Variants in GRIP1 observed in about 807,000 individuals in gnomAD.
GRIP1 encodes the protein glutamate receptor-interacting protein 1.
Under a neutral mutation model 129.9 loss-of-function variants are expected in GRIP1, and 45 were observed. The ratio of observed to expected loss-of-function variants is 0.35; its 90% CI spans 0.27 to 0.44. GRIP1 has a LOEUF of 0.44. GRIP1 is among the 20% of genes least tolerant of loss of function. The probability of loss-of-function intolerance (pLI) is 1.00; values close to 1 mark genes in which losing one functional copy is unlikely to be tolerated. For synonymous variants in GRIP1, 530 were observed against 520.8 expected (o/e 1.02, Z -0.24); for missense variants, 1,196 against 1,396.8 (o/e 0.86, Z 2.29).
intron 1 of GRIP1, among the ~76,000 whole-genome samples, chr12:67,016,748 T>G (rs1469316371): frequency 6.6e-6 from 1 of 152,246 alleles, no homozygotes; most frequent in East Asian, 1.9e-4. Flanking sequence ...TCATCTTGTA[T>G]CTGTAGAAGT....
At chr12:66,848,380 G>T (rs2137070849) in intron 1 of GRIP1, among the ~76,000 whole-genome samples, 2 of 152,076 alleles carry the variant, frequency 1.3e-5, no homozygotes, top group East Asian at 3.9e-4. Flanking sequence ...CACTATACAG[G>T]GCCCTAGGAA....
At chr12:66,472,641 G>T (rs1026530638) in intron 7 of GRIP1, among the ~76,000 whole-genome samples, 1 of 152,146 alleles carries the variant, frequency 6.6e-6, no homozygotes, top group Non-Finnish European at 1.5e-5. Flanking sequence ...ATCTCACTGG[G>T]ACTGGTTAGA....
intron 1 of GRIP1, among the ~76,000 whole-genome samples, chr12:66,998,002 A>G (rs1354411238): frequency 6.6e-6 from 1 of 152,222 alleles, no homozygotes; most frequent in Non-Finnish European, 1.5e-5. Context: ...AAAATTTCAA[A>G]TTTTTAAAAC....
chr12:66,859,895 T>C (rs969022735), intron 1 of GRIP1, among the ~76,000 whole-genome samples: 5 of 152,024 alleles, frequency 3.3e-5, no homozygotes, highest in Non-Finnish European at 2.9e-5. Context: ...GTCCTATTAC[T>C]AATTCTTCAT....
chr12:66,637,069 C>T (rs943954549), intron 1 of GRIP1, among the ~76,000 whole-genome samples: 10 of 151,994 alleles, frequency 6.6e-5, no homozygotes, highest in African/African-American at 2.4e-4. Context: ...CCAGCCAGGC[C>T]GCTTCATGGT....
chr12:66,557,701 T>C (rs2062382127), intron 2 of GRIP1, among the ~76,000 whole-genome samples: 1 of 152,112 alleles, frequency 6.6e-6, no homozygotes, highest in Non-Finnish European at 1.5e-5. Flanking sequence ...AATGAAACAG[T>C]ATGCTCCTGA....
intron 1 of GRIP1, among the ~76,000 whole-genome samples, chr12:66,849,030 T>C (rs2039866255): frequency 1.3e-5 from 2 of 152,200 alleles, no homozygotes. Context: ...CCATCCTGCA[T>C]ATTGCTGCCA....
chr12:66,860,048 T>A (rs1210345054), intron 1 of GRIP1, among the ~76,000 whole-genome samples: 1 of 152,110 alleles, frequency 6.6e-6, no homozygotes, highest in East Asian at 1.9e-4. Flanking sequence ...GGAAGTCACC[T>A]TAAGTGCTTA....
chr12:66,886,056 A>G (rs2137211655), intron 1 of GRIP1, among the ~76,000 whole-genome samples: 1 of 152,298 alleles, frequency 6.6e-6, no homozygotes, highest in East Asian at 1.9e-4. Flanking sequence ...TGAGGTCAGG[A>G]GCTCGAGACC....
intron 1 of GRIP1, among the ~76,000 whole-genome samples, chr12:66,629,495 C>G (rs1337212174): frequency 6.6e-6 from 1 of 152,214 alleles, no homozygotes; most frequent in Non-Finnish European, 1.5e-5. Flanking sequence ...ACTGGTAGTT[C>G]TAAAGCCTCT....
At chr12:66,435,702 T>C (rs1039363299) in intron 13 of GRIP1, among the ~76,000 whole-genome samples, 1 of 152,184 alleles carries the variant, frequency 6.6e-6, no homozygotes, top group African/African-American at 2.4e-5. Context: ...AGCAACATTT[T>C]GCTTTTATAA....
At chr12:67,014,534 AG>A (rs1284439792) in intron 1 of GRIP1, among the ~76,000 whole-genome samples, 1 of 152,196 alleles carries the variant, frequency 6.6e-6, no homozygotes, top group Non-Finnish European at 1.5e-5. Flanking sequence ...TGATAGCCTG[AG>A]AGGCTACCAC....
chr12:66,668,614 G>A (rs1218250644), intron 1 of GRIP1, among the ~76,000 whole-genome samples: 1 of 152,062 alleles, frequency 6.6e-6, no homozygotes, highest in African/African-American at 2.4e-5. Context: ...AGATGTTAGA[G>A]GATACTAAAG....
intron 1 of GRIP1, among the ~76,000 whole-genome samples, chr12:66,841,575 G>A (rs2039716931): frequency 6.6e-6 from 1 of 152,186 alleles, no homozygotes; most frequent in Admixed American, 6.5e-5. Flanking sequence ...TTTGAGGCAT[G>A]CTCTTCAATT....
chr12:66,914,743 C>T (rs1204633578), intron 1 of GRIP1, among the ~76,000 whole-genome samples: 1 of 152,080 alleles, frequency 6.6e-6, no homozygotes, highest in East Asian at 1.9e-4. Flanking sequence ...GAATCCGAAA[C>T]CTGAAAATCA....
intron 1 of GRIP1, among the ~76,000 whole-genome samples, chr12:66,947,990 C>T (rs1444190454): frequency 6.6e-6 from 1 of 152,116 alleles, no homozygotes; most frequent in East Asian, 1.9e-4. Context: ...GGATGCAGGA[C>T]CTCGCTGCTT....
intron 2 of GRIP1, among the ~76,000 whole-genome samples, chr12:66,546,943 T>C (rs969028855): frequency 4.6e-5 from 7 of 152,134 alleles, no homozygotes; most frequent in African/African-American, 1.7e-4. Context: ...GAATGCTCTC[T>C]GCAAGACCTG....
intron 1 of GRIP1, among the ~76,000 whole-genome samples, chr12:66,637,229 T>C (rs10784566): frequency 6.6e-6 from 1 of 151,622 alleles, no homozygotes; most frequent in Non-Finnish European, 1.5e-5. Flanking sequence ...AATAAATAAA[T>C]AATAAAAAAA....
At chr12:67,000,317 T>C (rs2042533606) in intron 1 of GRIP1, among the ~76,000 whole-genome samples, 2 of 152,082 alleles carry the variant, frequency 1.3e-5, no homozygotes, top group Non-Finnish European at 2.9e-5. Flanking sequence ...CATGTTTCTA[T>C]GAAACAGATC....
Sources: allele counts gnomAD v4.1 joint callset (sites outside exome capture counted in the v4.1 genomes callset), GRCh38; gene constraint gnomAD v4.1.1; transcripts MANE v1.5; gene names NCBI Gene and HGNC (gene_info 2026-07-23, HGNC 2026-07-21).